GGA1: variants seen among roughly 807,000 people sequenced by gnomAD.
GGA1 encodes ADP-ribosylation factor-binding protein GGA1.
Under a neutral mutation model 76.9 loss-of-function variants are expected in GGA1, and 18 were observed. That is an observed-to-expected ratio of 0.23 (90% CI 0.16 to 0.35). The LOEUF is 0.35. GGA1 is among the 10% of genes least tolerant of loss of function. The probability of loss-of-function intolerance (pLI) is 1.00; values close to 1 mark genes in which losing one functional copy is unlikely to be tolerated. For synonymous variants in GGA1, 342 were observed against 354.7 expected, an observed-to-expected ratio of 0.96 and a Z score of 0.40; for missense variants, 755 against 859.0, an observed-to-expected ratio of 0.88 and a Z score of 1.51.
At position 37,630,297 on chromosome 22, in the gene GGA1, G is replaced by A. The variant is rs1601559990; in HGVS notation, c.1331+127G>A. The A allele has an allele frequency of 7.3e-6, 5 of 682,356 alleles. No homozygotes were observed. The South Asian group carries it at 7.7e-5, about 11-fold the overall frequency. 42.3% of individuals were successfully genotyped at this position (682,356 alleles called of 1,614,324 possible). On this transcript the variant is annotated intron_variant, in intron 13 of 16. Coordinates refer to ENST00000343632, the MANE Select transcript of GGA1 (RefSeq NM_013365.5). Reference sequence around the variant, plus strand: ...TTGCTGTCTTGTTTTGTAAGCAGCAGATGCCAAGCAGTGCACCTGCCTCTG... The same window carrying A: ...TTGCTGTCTTGTTTTGTAAGCAGCAAATGCCAAGCAGTGCACCTGCCTCTG...
At chr22:37,631,963 G>T in intron 14 of GGA1, 33 bp from the exon 15 acceptor site, 1 of 1,575,928 alleles carries the variant, frequency 6.3e-7, no homozygotes. Context: ...CTGCAGCTCA[G>T]CTGTCCCATC....
Position 37,632,714 on chromosome 22 carries a change from C to T in GGA1, c.*3C>T. On this transcript the variant is annotated 3_prime_UTR_variant, in exon 17 of 17. Coordinates refer to ENST00000343632, the MANE Select transcript of GGA1 (RefSeq NM_013365.5). The surrounding 1 kb of genome is among the most constrained non-coding windows in gnomAD (Gnocchi z 5.1). ...CTGAAACCTGGGGTAGCCTCTAGAA[C>T]AGAGGGGCTGGGGAGAGGAAGGGGC... is the stretch of plus-strand genomic sequence containing the variant. 6.5e-7 allele frequency: 1 copy of T among 1,537,986 alleles called. No homozygotes were observed. The highest frequency in any genetic ancestry group is 8.9e-7 in the Non-Finnish European group (1 of 1,118,274).
rs1930208367 is a variant in GGA1 at position 37,623,276 on chromosome 22, G to A, written c.610-51G>A. The A allele has an allele frequency of 6.3e-7, 1 of 1,576,028 alleles. No individual in the cohort carries two copies. Among genetic ancestry groups the A allele is most frequent in the Non-Finnish European group, 8.7e-7 (1 of 1,146,024 alleles). Reference sequence around the variant, plus strand: ...ATTCTCTCAAGTGGCAGGGGGCAGTGCCTCGTCCAGGCCAAAGGTTCTCAG... The same window carrying A: ...ATTCTCTCAAGTGGCAGGGGGCAGTACCTCGTCCAGGCCAAAGGTTCTCAG... On this transcript the variant is annotated intron_variant, in intron 7 of 16. Coordinates refer to ENST00000343632, the MANE Select transcript of GGA1 (RefSeq NM_013365.5). The surrounding 1 kb of genome is among the most constrained non-coding windows in gnomAD (Gnocchi z 4.6).
Position 37,630,115 on chromosome 22 carries a change from C to A in GGA1, c.1276C>A (p.Leu426Met), listed in dbSNP as rs776877315. Reference protein sequence around the residue: ...ASSGLDDLDLLGKTLLQQSLP... With the variant: ...ASSGLDDLDLMGKTLLQQSLP... ...CAGCGGTCTGGACGACCTAGACCTCCTGGGGAAGACCCTCCTGCAGCAGTC... is the reference window on the plus strand; with the variant it reads ...CAGCGGTCTGGACGACCTAGACCTCATGGGGAAGACCCTCCTGCAGCAGTC... The change falls in exon 13 of 17, where the codon CTG (leucine) becomes ATG (methionine). Residue 426 changes from leucine (L) to methionine (M), a missense_variant. By Grantham distance (15) the Leu-to-Met change is conservative (BLOSUM62 2). Coordinates refer to ENST00000343632, the MANE Select transcript of GGA1 (RefSeq NM_013365.5). The A allele has an allele frequency of 1.2e-6, 2 of 1,608,524 alleles. No individual in the cohort carries two copies. Among genetic ancestry groups the A allele is most frequent in the Non-Finnish European group, 8.5e-7 (1 of 1,177,486 alleles).
At position 37,612,326 on chromosome 22, in the gene GGA1, G is replaced by T. The variant is rs566085316; in HGVS notation, c.44-1864G>T. ...AAAAATACAAAAAAAAAAAAAATTA[G>T]CCGGGCGTGGTGGCGGGCACCTGTA... On this transcript the variant is annotated intron_variant, in intron 1 of 16. Transcript: ENST00000343632. 1.2e-3 allele frequency among the ~76,000 whole-genome samples: 177 copies of T among 148,306 alleles called. 1 individual carries two copies. The highest frequency in any genetic ancestry group is 4.3e-3 in the African/African-American group (171 of 39,562).
At chr22:37,620,204 C>T (rs766212162) in intron 4 of GGA1, 34 bp from the exon 5 acceptor site, 14 of 1,610,842 alleles carry the variant, frequency 8.7e-6, no homozygotes, top group African/African-American at 1.3e-5. Context: ...TGGGGCTGGG[C>T]AGTATCAAAG....
intron 7 of GGA1, among the ~76,000 whole-genome samples, chr22:37,622,732 C>T (rs928293987): frequency 6.6e-6 from 1 of 152,226 alleles, no homozygotes; most frequent in African/African-American, 2.4e-5. Context: ...GTAATCCCAG[C>T]ACTTTGGAGG....
At chr22:37,622,667 G>A (rs745683509) in intron 7 of GGA1, among the ~76,000 whole-genome samples, 2 of 152,124 alleles carry the variant, frequency 1.3e-5, no homozygotes, top group African/African-American at 4.8e-5. Flanking sequence ...TCCCATCTCG[G>A]CCTCCCAAAG....
At chr22:37,621,805 C>A in intron 7 of GGA1, 109 bp downstream of exon 7, 3 of 676,148 alleles carry the variant, frequency 4.4e-6, no homozygotes, top group Non-Finnish European at 5.0e-6. Flanking sequence ...TGCAGTGACC[C>A]GGGCTGGCAC....
intron 14 of GGA1, among the ~76,000 whole-genome samples, chr22:37,631,504 C>T (rs1444097294): frequency 6.6e-6 from 1 of 152,166 alleles, no homozygotes; most frequent in African/African-American, 2.4e-5. Flanking sequence ...CCCCGGGCCC[C>T]AAGCAGACAC....
intron 2 of GGA1, among the ~76,000 whole-genome samples, chr22:37,614,816 T>TA (rs1399391887): frequency 6.6e-6 from 1 of 152,028 alleles, no homozygotes; most frequent in East Asian, 1.9e-4. Flanking sequence ...CCGTCTCTAC[T>TA]AAAAATGCAA....
At position 37,616,628 on chromosome 22, in the gene GGA1, C is replaced by T. The variant is rs547616910; in HGVS notation, c.129-294C>T. ...ACGTGACACATCAGAGTTCTTAGGC[C>T]AGCCCAGGAGCTGAGCTCATACCTT... On this transcript the variant is annotated intron_variant, in intron 2 of 16. Coordinates refer to ENST00000343632, the MANE Select transcript of GGA1 (RefSeq NM_013365.5). Among the ~76,000 whole-genome samples the T allele has an allele frequency of 5.2e-4, 79 of 152,328 alleles. No homozygotes were observed. In the South Asian group the frequency reaches 0.016, roughly 30 times the overall value.
chr22:37,620,381 G>C lies in GGA1; in HGVS notation c.427+20G>C. On this transcript the variant is annotated intron_variant, in intron 5 of 16. Transcript: ENST00000343632. ...AGCAGGGTGAGGCACACAGAGGGTG[G>C]GGGGCGACCAGGGCCTGCCTTCCCC... 6.2e-7 allele frequency: 1 copy of C among 1,613,606 alleles called. No homozygotes were observed. The highest frequency in any genetic ancestry group is 1.1e-5 in the South Asian group (1 of 91,070).
At chr22:37,609,093 A>G (rs112398819) in intron 1 of GGA1, 190 bp downstream of exon 1, 15 of 1,489,880 alleles carry the variant, frequency 1.0e-5, no homozygotes, top group Admixed American at 4.4e-5. Flanking sequence ...GGCGCGGTCC[A>G]GCGGTGGGAG....
chr22:37,625,705 CG>C lies in GGA1; in HGVS notation c.941-87del, dbSNP rs2145967181. 6.1e-6 allele frequency: 6 copies of C among 978,088 alleles called. No homozygotes were observed. The highest frequency in any genetic ancestry group is 5.2e-5 in the Admixed American group (2 of 38,782). 60.6% of individuals were successfully genotyped at this position (978,088 alleles called of 1,614,324 possible). A position where few individuals can be genotyped will look rare whatever the true frequency, so the allele number is the denominator to read the frequency against. On this transcript the variant is annotated intron_variant, in intron 10 of 16. Transcript: ENST00000343632. The surrounding 1 kb of genome is among the most constrained non-coding windows in gnomAD (Gnocchi z 4.1). ...AGGCAGGAGACCAGTGGTAAAGCAT[CG>C]GGGGTTAGGTGTTGCTCCCCCGCAA...
At position 37,625,066 on chromosome 22, in the gene GGA1, C is replaced by A; in HGVS notation, c.930C>A (p.Gly310=). Residue 310 remains glycine (G), a synonymous_variant, in exon 10 of 17, where the codon GGC becomes GGA. Transcript: ENST00000343632. The surrounding 1 kb of genome is among the most constrained non-coding windows in gnomAD (Gnocchi z 4.1). ...AGGTCAACGGTGATGCCACAGCCGGCTCCATCCCTGGTGAGGAGGTGGCAG... is the reference window on the plus strand; with the variant it reads ...AGGTCAACGGTGATGCCACAGCCGGATCCATCCCTGGTGAGGAGGTGGCAG... ...GEEVNGDATA[G]SIPGSTSALL... is the part of the protein sequence containing the mutation. 6.3e-7 allele frequency: 1 copy of A among 1,593,770 alleles called. No individual in the cohort carries two copies. Among genetic ancestry groups the A allele is most frequent in the African/African-American group, 1.3e-5 (1 of 74,710 alleles).
Position 37,624,910 on chromosome 22 carries a change from T to C in GGA1, c.833-59T>C, listed in dbSNP as rs1930533717. On this transcript the variant is annotated intron_variant, in intron 9 of 16. Coordinates refer to ENST00000343632, the MANE Select transcript of GGA1 (RefSeq NM_013365.5). The surrounding 1 kb of genome is among the most constrained non-coding windows in gnomAD (Gnocchi z 4.3). The stretch of plus-strand genomic sequence containing the variant: ...TGATGGATGTGGGGTCCTCGTCCCC[T>C]GCCGCCCAGAGGCCCCCACAGTCCT... 3 of 1,534,928 alleles carry C rather than the reference T, an allele frequency of 2.0e-6. No individual in the cohort carries two copies. The East Asian group carries it at 7.4e-5, about 38-fold the overall frequency.
intron 3 of GGA1, 104 bp downstream of exon 3, chr22:37,617,101 G>T: frequency 2.6e-6 from 4 of 1,542,686 alleles, no homozygotes; most frequent in Non-Finnish European, 3.5e-6. Context: ...GAGCCCAAGA[G>T]AGTTGTGCTA....
At chr22:37,615,008 G>C (rs1053297231) in intron 2 of GGA1, among the ~76,000 whole-genome samples, 2 of 152,168 alleles carry the variant, frequency 1.3e-5, no homozygotes, top group Non-Finnish European at 1.5e-5. Flanking sequence ...TACCTAGAAT[G>C]CTTGTCAGAA....
Sources: gnomAD v4.1 joint callset for allele counts (sites outside exome capture counted in the v4.1 genomes callset) on GRCh38, gnomAD v4.1.1 for gene constraint, Gnocchi (gnomAD v3.1) non-coding constraint, MANE v1.5 for transcripts, NCBI Gene and HGNC (gene_info 2026-07-23, HGNC 2026-07-21) for gene names.